DTNA: variants seen among roughly 807,000 people sequenced by gnomAD.
DTNA encodes dystrobrevin alpha.
DTNA carries 43 observed loss-of-function variants against 100.7 expected under a neutral mutation model. The ratio of observed to expected loss-of-function variants is 0.43; its 90% CI spans 0.33 to 0.55. The LOEUF (loss-of-function observed/expected upper bound fraction) is 0.55. DTNA is among the 20% of genes least tolerant of loss of function. The pLI is 0.04. For missense variants in DTNA, 798 were observed against 953.9 expected (o/e 0.84, Z 2.15); for synonymous variants, 349 against 347.9 (o/e 1.00, Z -0.04).
At chr18:34,867,259 C>A (rs185505712) in intron 17 of DTNA, 3 of 1,231,340 alleles carry the variant, frequency 2.4e-6, no homozygotes. Context: ...CATTTTTACC[C>A]TTCATTCCCA....
rs778706507 is a variant in DTNA at position 34,794,008 on chromosome 18, C to A, written c.149-29C>A. The A allele has an allele frequency of 6.2e-6, 10 of 1,607,738 alleles. No homozygotes were observed. In the Admixed American group the frequency reaches 1.4e-4, roughly 22 times the overall value. On this transcript the variant is annotated intron_variant, in intron 3 of 22. Transcript: ENST00000444659. ...TGTATTTGCCTTCCATTACTTTGGGCTGATGTGTTAACTCTGCTTTAATTG... is the reference window on the plus strand; with the variant it reads ...TGTATTTGCCTTCCATTACTTTGGGATGATGTGTTAACTCTGCTTTAATTG...
chr18:34,534,606 A>T (rs550775795), intron 1 of DTNA, among the ~76,000 whole-genome samples: 1 of 151,882 alleles, frequency 6.6e-6, no homozygotes, highest in East Asian at 2.0e-4. Context: ...TAAGCCCCAT[A>T]TGCATTTGGT....
intron 4 of DTNA, among the ~76,000 whole-genome samples, chr18:34,802,154 G>C (rs2095238187): frequency 6.6e-6 from 1 of 152,238 alleles, no homozygotes; most frequent in Non-Finnish European, 1.5e-5. Context: ...TGCACTTCCT[G>C]ATGCTGCCCC....
intron 1 of DTNA, among the ~76,000 whole-genome samples, chr18:34,657,780 G>A (rs1269649819): frequency 6.6e-6 from 1 of 152,146 alleles, no homozygotes; most frequent in Non-Finnish European, 1.5e-5. Context: ...GGAAGGAGGG[G>A]AGACATCACA....
chr18:34,593,463 A>G (rs994023106), intron 1 of DTNA: 1 of 152,252 alleles, frequency 6.6e-6, no homozygotes, highest in Non-Finnish European at 1.5e-5. Context: ...TTAAATGAAT[A>G]TGCTTAGAAT....
At chr18:34,826,633 A>G (rs1000390619) in intron 9 of DTNA, among the ~76,000 whole-genome samples, 9 of 152,204 alleles carry the variant, frequency 5.9e-5, no homozygotes, top group African/African-American at 2.2e-4. Context: ...AAAACGTTCT[A>G]TACTGTCAAA....
intron 1 of DTNA, among the ~76,000 whole-genome samples, chr18:34,728,162 A>C (rs936180795): frequency 2.0e-5 from 3 of 152,212 alleles, no homozygotes; most frequent in African/African-American, 7.2e-5. Context: ...CGTATAGAAG[A>C]AGCAAGAAGA....
At chr18:34,810,177 A>G (rs527761853) in intron 5 of DTNA, among the ~76,000 whole-genome samples, 41 of 152,286 alleles carry the variant, frequency 2.7e-4, no homozygotes, top group African/African-American at 8.7e-4. Flanking sequence ...AAGTCTTTTT[A>G]AAAGACTAGT....
chr18:34,575,050 G>GGT (rs1182227041), intron 1 of DTNA, among the ~76,000 whole-genome samples: 1 of 152,176 alleles, frequency 6.6e-6, no homozygotes, highest in Non-Finnish European at 1.5e-5. Context: ...CTTTTCTATA[G>GGT]GTGTCCGGCT....
intron 11 of DTNA, among the ~76,000 whole-genome samples, chr18:34,829,713 G>A (rs192882371): frequency 6.6e-6 from 1 of 152,200 alleles, no homozygotes; most frequent in East Asian, 1.9e-4. Context: ...CCTCATACCG[G>A]TATATAAGAG....
intron 3 of DTNA, among the ~76,000 whole-genome samples, chr18:34,783,148 G>A (rs73412610): frequency 0.14 from 21,476 of 152,038 alleles, 1,599 homozygotes; most frequent in African/African-American, 0.17. Flanking sequence ...TATTATTTTT[G>A]TAATCCTTGG....
At chr18:34,831,601 C>G (rs1378141982) in intron 11 of DTNA, among the ~76,000 whole-genome samples, 1 of 152,134 alleles carries the variant, frequency 6.6e-6, no homozygotes, top group African/African-American at 2.4e-5. Flanking sequence ...AACTCCATCT[C>G]TACTAAAAAT....
At chr18:34,553,030 C>G (rs1278352023) in intron 1 of DTNA, among the ~76,000 whole-genome samples, 1 of 151,246 alleles carries the variant, frequency 6.6e-6, no homozygotes, top group Non-Finnish European at 1.5e-5. Context: ...CACATCCTCC[C>G]CAGCACCTGT....
chr18:34,519,747 C>G (rs1252299065), intron 1 of DTNA, among the ~76,000 whole-genome samples: 1 of 152,072 alleles, frequency 6.6e-6, no homozygotes, highest in African/African-American at 2.4e-5. Context: ...CCTCTTTACC[C>G]AAGTTTTCAA....
chr18:34,575,588 C>T (rs949376550), intron 1 of DTNA, among the ~76,000 whole-genome samples: 1 of 152,060 alleles, frequency 6.6e-6, no homozygotes, highest in African/African-American at 2.4e-5. Context: ...CTTCCTTTAC[C>T]TTTGTATAAA....
intron 1 of DTNA, among the ~76,000 whole-genome samples, chr18:34,753,378 T>A (rs1415363178): frequency 0.012 from 1,118 of 96,226 alleles, 19 homozygotes; most frequent in Non-Finnish European, 0.017. Flanking sequence ...TTTTTTTTTT[T>A]TTTTATTTTT....
intron 1 of DTNA, among the ~76,000 whole-genome samples, chr18:34,613,878 C>T (rs1408955360): frequency 6.6e-6 from 1 of 152,226 alleles, no homozygotes; most frequent in Non-Finnish European, 1.5e-5. Flanking sequence ...AGGAAGATAA[C>T]TCCACTAAGC....
chr18:34,801,676 A>G (rs1602282306), intron 4 of DTNA, among the ~76,000 whole-genome samples: 1 of 151,834 alleles, frequency 6.6e-6, no homozygotes, highest in African/African-American at 2.4e-5. Flanking sequence ...ATGCCCGGCT[A>G]ATTTTTTGTA....
chr18:34,512,383 T>G (rs1248227013), intron 1 of DTNA, among the ~76,000 whole-genome samples: 1 of 152,056 alleles, frequency 6.6e-6, no homozygotes, highest in Non-Finnish European at 1.5e-5. Context: ...TCTGGCTGTT[T>G]TCCTCAGTCT....
Sources: allele counts gnomAD v4.1 joint callset (sites outside exome capture counted in the v4.1 genomes callset), GRCh38; gene constraint gnomAD v4.1.1; transcripts MANE v1.5; gene names NCBI Gene and HGNC (gene_info 2026-07-23, HGNC 2026-07-21).